The following NWD1 variants were observed in gnomAD, a reference collection of about 807,000 sequenced individuals.
NWD1 encodes the protein NACHT domain- and WD repeat-containing protein 1.
In NWD1, 129 loss-of-function variants were observed where a neutral mutation model predicts 135.1. That is an observed-to-expected ratio of 0.96 (90% CI 0.83 to 1.11). The LOEUF (loss-of-function observed/expected upper bound fraction) is 1.11, where lower values mean the gene tolerates loss of function less well. NWD1 is among the 50% of genes least tolerant of loss of function. NWD1 has a pLI of 0.00. For missense variants in NWD1, 1,740 were observed against 1,851.3 expected, an observed-to-expected ratio of 0.94 and a Z score of 1.10; for synonymous variants, 773 against 786.0, an observed-to-expected ratio of 0.98 and a Z score of 0.28.
chr19:16,760,383 G>A (rs973597735), intron 7 of NWD1, among the ~76,000 whole-genome samples: 8 of 150,706 alleles, frequency 5.3e-5, no homozygotes, highest in South Asian at 2.1e-4. Flanking sequence ...CTCAGCCTCC[G>A]GAGTAGCTGG....
intron 18 of NWD1, 127 bp downstream of exon 18, chr19:16,808,263 C>T: frequency 1.1e-6 from 1 of 878,470 alleles, no homozygotes; most frequent in South Asian, 1.6e-5. Context: ...GAAAATGAGG[C>T]ACTTGGTCAG....
intron 11 of NWD1, among the ~76,000 whole-genome samples, chr19:16,778,364 T>C (rs770128484): frequency 1.1e-4 from 17 of 152,122 alleles, no homozygotes; most frequent in Non-Finnish European, 2.2e-4. Context: ...AAATATATAT[T>C]TTTTTTCTTT....
At chr19:16,778,506 TTTGTTG>T (rs1195369029) in intron 11 of NWD1, among the ~76,000 whole-genome samples, 14 of 140,716 alleles carry the variant, frequency 9.9e-5, no homozygotes, top group African/African-American at 3.6e-4. Flanking sequence ...TTTTTTTTTT[TTTGTTG>T]TTGTTGTTGT....
At chr19:16,748,014 C>T (rs762161862) in intron 5 of NWD1, among the ~76,000 whole-genome samples, 11 of 152,168 alleles carry the variant, frequency 7.2e-5, no homozygotes, top group South Asian at 4.1e-4. Context: ...GATGGAGTCT[C>T]GCTCTGTTGC....
intron 13 of NWD1, among the ~76,000 whole-genome samples, chr19:16,789,785 T>G (rs1235863063): frequency 4.7e-5 from 7 of 147,818 alleles, no homozygotes; most frequent in Non-Finnish European, 7.4e-5. Flanking sequence ...TGGTACAATC[T>G]CAGCTCACTG....
At chr19:16,800,661 C>G (rs922130587) in intron 17 of NWD1, among the ~76,000 whole-genome samples, 2 of 152,056 alleles carry the variant, frequency 1.3e-5, no homozygotes, top group Non-Finnish European at 2.9e-5. Context: ...GGTGAGGACC[C>G]GTTTCCTGGT....
chr19:16,765,235 T>C (rs1305652749), intron 10 of NWD1, 43 bp downstream of exon 10: 1 of 1,582,518 alleles, frequency 6.3e-7, no homozygotes, highest in South Asian at 1.1e-5. Flanking sequence ...GGACGGGCAC[T>C]GACTTCTAGA....
At chr19:16,728,281 CTTTT>C (rs397859118) in intron 2 of NWD1, among the ~76,000 whole-genome samples, 1 of 119,904 alleles carries the variant, frequency 8.3e-6, no homozygotes, top group Non-Finnish European at 1.7e-5. Flanking sequence ...GGTCACTGCT[CTTTT>C]TTTTTTTTTT....
At chr19:16,736,547 G>T (rs1290574856) in intron 3 of NWD1, 87 bp from the exon 4 acceptor site, 4 of 908,076 alleles carry the variant, frequency 4.4e-6, no homozygotes, top group Non-Finnish European at 5.2e-6. Context: ...ATTTTTGAAA[G>T]AAACTTTCTG....
In NWD1 at chr19:16,797,880, C is replaced by T; in HGVS notation, c.3453C>T (p.Leu1151=). ...TCATCACGGGGTCCCTTGATGCGCT[C>T]ATTCAGGTGAGGGGAGATCTGGGAC... ...NLIITGSLDA[L]IQVWSLSEQG... is the part of the protein sequence containing the mutation. Residue 1151 remains leucine, a synonymous_variant, in exon 16 of 19, where the codon CTC becomes CTT. Transcript: ENST00000524140. 1 of 1,613,342 alleles carries T rather than the reference C, an allele frequency of 6.2e-7. No homozygotes were observed.
At position 16,749,992 on chromosome 19, in the gene NWD1, G is replaced by C. The variant is rs576075443; in HGVS notation, c.1350G>C (p.Arg450Ser). ...DDLDSVRHARRVPWLPLNCPP... is the reference protein window; with the variant it reads ...DDLDSVRHARSVPWLPLNCPP... ...TGGACTCTGTCCGCCATGCTCGGAG[G>C]GTTCCCTGGCTGCCTCTCAACTGCC... The change falls in exon 6 of 19, where the codon AGG becomes AGC. Residue 450 changes from arginine (R) to serine (S), a missense_variant. Arg to Ser is a moderately radical substitution (Grantham distance 110, BLOSUM62 -1). Coordinates refer to ENST00000524140, the MANE Select transcript of NWD1 (RefSeq NM_001007525.5). 81 of 1,613,874 alleles carry C rather than the reference G, an allele frequency of 5.0e-5. No homozygotes were observed. The Admixed American group carries it at 6.3e-4, about 13-fold the overall frequency.
chr19:16,723,359 T>C (rs1967207503), intron 1 of NWD1, among the ~76,000 whole-genome samples: 1 of 152,168 alleles, frequency 6.6e-6, no homozygotes, highest in African/African-American at 2.4e-5. Flanking sequence ...CCACCACATC[T>C]GGCTAATTTT....
intron 16 of NWD1, among the ~76,000 whole-genome samples, chr19:16,798,682 T>G (rs570314449): frequency 6.6e-6 from 1 of 152,290 alleles, no homozygotes; most frequent in African/African-American, 2.4e-5. Context: ...TGGAGGGCAG[T>G]GTGGCATGAT....
intron 6 of NWD1, among the ~76,000 whole-genome samples, chr19:16,751,817 AGAAGGAAG>A (rs200357203): frequency 6.9e-5 from 10 of 145,330 alleles, no homozygotes; most frequent in South Asian, 2.3e-4. Context: ...AAAGAGAAAG[AGAAGGAAG>A]GAAGGAAGGA....
At chr19:16,739,519 G>T (rs1967994946) in intron 4 of NWD1, among the ~76,000 whole-genome samples, 1 of 151,930 alleles carries the variant, frequency 6.6e-6, no homozygotes, top group Admixed American at 6.6e-5. Flanking sequence ...TGACCAACCG[G>T]CCCTGGGACC....
intron 6 of NWD1, among the ~76,000 whole-genome samples, chr19:16,752,866 G>A (rs886930619): frequency 6.6e-6 from 1 of 152,272 alleles, no homozygotes; most frequent in Admixed American, 6.5e-5. Context: ...GGGCGTGGTG[G>A]CTCACACCTG....
At chr19:16,807,457 C>T (rs989869363) in intron 17 of NWD1, 129 bp from the exon 18 acceptor site, 5 of 704,730 alleles carry the variant, frequency 7.1e-6, no homozygotes, top group Non-Finnish European at 1.2e-5. Flanking sequence ...CGTGCTATTG[C>T]ACTACAGCCT....
Position 16,731,266 on chromosome 19 carries a change from C to A in NWD1, c.69C>A (p.Gly23=). The A allele has an allele frequency of 6.5e-7, 1 of 1,530,044 alleles. No homozygotes were observed. The highest frequency in any genetic ancestry group is 8.8e-7 in the Non-Finnish European group (1 of 1,141,382). 94.8% of individuals were successfully genotyped at this position (1,530,044 alleles called of 1,614,324 possible). ...LKCQTFCQRH[G]LMFEVVDLRW... ...GCCAGACCTTCTGCCAGAGGCACGG[C>A]TTGATGTTTGAGGTAACTGGAAGTC... Residue 23 remains glycine (G), a synonymous_variant, in exon 3 of 19, where the codon GGC becomes GGA. Transcript: ENST00000524140.
At position 16,765,205 on chromosome 19, in the gene NWD1, G is replaced by A. The variant is rs1199058236; in HGVS notation, c.2410+13G>A. 3 of 1,613,600 alleles carry A rather than the reference G, an allele frequency of 1.9e-6. No homozygotes were observed. The highest frequency in any genetic ancestry group is 2.5e-6 in the Non-Finnish European group (3 of 1,179,790). On this transcript the variant is annotated intron_variant, in intron 10 of 18. Transcript: ENST00000524140. ...CTCCGAGGCATGGGTGAGTCCAGATGGCCTGGATAGGAGTGACCAGGACGG... is the reference window on the plus strand; with the variant it reads ...CTCCGAGGCATGGGTGAGTCCAGATAGCCTGGATAGGAGTGACCAGGACGG...
Sources: allele counts gnomAD v4.1 joint callset (sites outside exome capture counted in the v4.1 genomes callset), GRCh38; gene constraint gnomAD v4.1.1; transcripts MANE v1.5; gene names NCBI Gene and HGNC (gene_info 2026-07-23, HGNC 2026-07-21).